STAM: variants seen among roughly 807,000 people sequenced by gnomAD.
STAM encodes the protein signal transducing adapter molecule 1.
In STAM, 16 loss-of-function variants were observed where a neutral mutation model predicts 63.4. The observed-to-expected ratio is 0.25, with a 90% CI of 0.17 to 0.38. The LOEUF (loss-of-function observed/expected upper bound fraction) is 0.38, where lower values mean the gene tolerates loss of function less well. STAM is among the 10% of genes least tolerant of loss of function. The pLI, the probability that STAM is intolerant of heterozygous loss-of-function variation, is 1.00. For synonymous variants in STAM, 238 were observed against 223.9 expected, an observed-to-expected ratio of 1.06 and a Z score of -0.56; for missense variants, 636 against 657.1, an observed-to-expected ratio of 0.97 and a Z score of 0.35.
At chr10:17,681,380 G>A (rs1042083322) in intron 2 of STAM, among the ~76,000 whole-genome samples, 6 of 151,326 alleles carry the variant, frequency 4.0e-5, no homozygotes, top group Non-Finnish European at 8.8e-5. Context: ...TGATTTTCAC[G>A]TATTTTAATT....
intron 9 of STAM, among the ~76,000 whole-genome samples, chr10:17,703,554 G>C (rs1292883311): frequency 6.6e-6 from 1 of 151,988 alleles, no homozygotes; most frequent in African/African-American, 2.4e-5. Context: ...AGTGGTCATG[G>C]TAAAGTAGAT....
At chr10:17,698,212 A>G (rs1012196123) in intron 8 of STAM, among the ~76,000 whole-genome samples, 6 of 152,260 alleles carry the variant, frequency 3.9e-5, no homozygotes, top group African/African-American at 7.2e-5. Context: ...GATGTTTTCT[A>G]TGTCTGTGAG....
intron 1 of STAM, among the ~76,000 whole-genome samples, chr10:17,647,948 CA>C (rs1345704930): frequency 1.3e-5 from 2 of 152,156 alleles, no homozygotes; most frequent in African/African-American, 4.8e-5. Flanking sequence ...AACAAACATT[CA>C]AAAACTCAAT....
chr10:17,664,755 A>G (rs940990319), intron 2 of STAM, among the ~76,000 whole-genome samples: 1 of 152,060 alleles, frequency 6.6e-6, no homozygotes, highest in African/African-American at 2.4e-5. Context: ...TTCAGAAGTG[A>G]TTTGTGTTTC....
chr10:17,709,768 C>A (rs1277890140), intron 13 of STAM, among the ~76,000 whole-genome samples: 1 of 151,238 alleles, frequency 6.6e-6, no homozygotes, highest in Non-Finnish European at 1.5e-5. Flanking sequence ...GCACTGCCCT[C>A]TCTTGCACTA....
At chr10:17,691,509 C>T (rs559033883) in intron 5 of STAM, among the ~76,000 whole-genome samples, 1 of 150,048 alleles carries the variant, frequency 6.7e-6, no homozygotes, top group Admixed American at 6.7e-5. Flanking sequence ...CAGAGCGAGA[C>T]TCAAATAAAT....
At chr10:17,654,866 C>G (rs1382314880) in intron 1 of STAM, among the ~76,000 whole-genome samples, 1 of 152,138 alleles carries the variant, frequency 6.6e-6, no homozygotes, top group Non-Finnish European at 1.5e-5. Flanking sequence ...AGTGCAAACA[C>G]CTGAGATAGT....
chr10:17,701,147 T>C (rs1416820243), intron 9 of STAM, among the ~76,000 whole-genome samples: 4 of 152,234 alleles, frequency 2.6e-5, no homozygotes, highest in African/African-American at 7.2e-5. Flanking sequence ...GATTTAAATT[T>C]GAGATTTCTT....
chr10:17,695,288 T>A (rs1554827356), intron 7 of STAM, 47 bp downstream of exon 7: 1 of 1,538,408 alleles, frequency 6.5e-7, no homozygotes. Flanking sequence ...TGTGTATGGC[T>A]TCTGTGTTTC....
chr10:17,688,168 T>C lies in STAM; in HGVS notation c.439T>C (p.Ser147Pro), dbSNP rs781932197. The change falls in exon 5 of 14, where the codon TCT (serine) becomes CCT (proline). Residue 147 changes from serine (S) to proline (P), a missense_variant. Ser to Pro is a moderately conservative substitution (Grantham distance 74). Transcript: ENST00000377524. ...EQGVTFPAIG[S>P]QAAEQAKASP... ...AGGAGTTACGTTCCCAGCTATTGGCTCTCAGGTATTTTGGGAATGAAGTTG... is the reference window on the plus strand; with the variant it reads ...AGGAGTTACGTTCCCAGCTATTGGCCCTCAGGTATTTTGGGAATGAAGTTG... 3.2e-6 allele frequency: 5 copies of C among 1,553,042 alleles called. No homozygotes were observed. The African/African-American group carries it at 5.5e-5, about 17-fold the overall frequency.
intron 1 of STAM, among the ~76,000 whole-genome samples, chr10:17,657,191 A>G (rs781872656): frequency 2.0e-5 from 3 of 152,078 alleles, no homozygotes; most frequent in Non-Finnish European, 4.4e-5. Flanking sequence ...TGGTGCCTGC[A>G]TTCATTTAAC....
chr10:17,710,648 T>G (rs529708791), intron 13 of STAM, among the ~76,000 whole-genome samples: 1 of 152,338 alleles, frequency 6.6e-6, no homozygotes, highest in East Asian at 1.9e-4. Context: ...TGGCTGGTAG[T>G]TGCCTTTTTA....
chr10:17,672,586 C>T (rs1164268569), intron 2 of STAM, among the ~76,000 whole-genome samples: 5 of 152,166 alleles, frequency 3.3e-5, no homozygotes, highest in African/African-American at 1.2e-4. Context: ...TTGCTCGGAG[C>T]ATGCATATTT....
chr10:17,696,900 T>C (rs781790602), intron 8 of STAM, 31 bp downstream of exon 8: 2 of 1,539,244 alleles, frequency 1.3e-6, no homozygotes, highest in South Asian at 1.1e-5. Flanking sequence ...CAATAAATGA[T>C]GTTTTCTAAT....
intron 1 of STAM, among the ~76,000 whole-genome samples, chr10:17,650,757 C>G (rs1220825545): frequency 6.6e-6 from 1 of 152,040 alleles, no homozygotes; most frequent in African/African-American, 2.4e-5. Context: ...TACGCGTGGC[C>G]CCTCCGTTTA....
chr10:17,652,807 G>A (rs557027231), intron 1 of STAM, among the ~76,000 whole-genome samples: 1 of 152,264 alleles, frequency 6.6e-6, no homozygotes, highest in South Asian at 2.1e-4. Flanking sequence ...ATATTCTTGG[G>A]CTTTAGAGGG....
chr10:17,675,875 A>G (rs1834833289), intron 2 of STAM, among the ~76,000 whole-genome samples: 1 of 152,158 alleles, frequency 6.6e-6, no homozygotes, highest in African/African-American at 2.4e-5. Context: ...AATTAGATTA[A>G]TCCAAAGGGC....
intron 7 of STAM, chr10:17,696,543 C>T: frequency 2.4e-6 from 1 of 424,972 alleles, no homozygotes; most frequent in Non-Finnish European, 4.2e-6. Context: ...GAGTCCATAA[C>T]TGCAGAGCAT....
In STAM at chr10:17,650,607, G is replaced by A. The variant is rs147732763; in HGVS notation, c.40+6228G>A. ...ACCCTGTGCCAGATACCCTGGTACCGAATATGCCCTCAAGGATTCCAGGTT... is the reference window on the plus strand; with the variant it reads ...ACCCTGTGCCAGATACCCTGGTACCAAATATGCCCTCAAGGATTCCAGGTT... On this transcript the variant is annotated intron_variant, in intron 1 of 13. Coordinates refer to ENST00000377524, the MANE Select transcript of STAM (RefSeq NM_003473.4). Among the ~76,000 whole-genome samples, 308 of 152,234 alleles carry A rather than the reference G, an allele frequency of 2.0e-3. 1 individual carries two copies. Among genetic ancestry groups the A allele is most frequent in the African/African-American group, 6.4e-3 (267 of 41,540 alleles).
Sources: allele counts gnomAD v4.1 joint callset (sites outside exome capture counted in the v4.1 genomes callset), GRCh38; gene constraint gnomAD v4.1.1; transcripts MANE v1.5; gene names NCBI Gene and HGNC (gene_info 2026-07-23, HGNC 2026-07-21).